RBFOX1: variants seen among roughly 807,000 people sequenced by gnomAD.
RBFOX1 encodes the protein RNA binding fox-1 homolog 1.
In RBFOX1, 8 loss-of-function variants were observed where a neutral mutation model predicts 57.7. That is an observed-to-expected ratio of 0.14 (90% CI 0.08 to 0.25). The LOEUF (loss-of-function observed/expected upper bound fraction) is 0.25, where lower values mean the gene tolerates loss of function less well. Ranked by LOEUF, RBFOX1 falls within the 10% of genes least tolerant of loss-of-function variation. The pLI is 1.00. For synonymous variants in RBFOX1, 326 were observed against 222.4 expected, an observed-to-expected ratio of 1.47 and a Z score of -4.15; for missense variants, 611 against 548.5, an observed-to-expected ratio of 1.11 and a Z score of -1.14.
At chr16:5,266,983 G>T (rs1358553198) in intron 1 of RBFOX1, among the ~76,000 whole-genome samples, 1 of 152,016 alleles carries the variant, frequency 6.6e-6, no homozygotes, top group Non-Finnish European at 1.5e-5. Context: ...AGAGTGATTG[G>T]CATGAAAGCT....
At chr16:6,218,961 CATAATA>C (rs2097354164) in intron 1 of RBFOX1, among the ~76,000 whole-genome samples, 1 of 151,902 alleles carries the variant, frequency 6.6e-6, no homozygotes, top group African/African-American at 2.4e-5. Flanking sequence ...AACATAAAAG[CATAATA>C]GTCAGTAGCA....
intron 6 of RBFOX1, among the ~76,000 whole-genome samples, chr16:7,581,012 C>A (rs552977729): frequency 1.3e-5 from 2 of 152,192 alleles, no homozygotes; most frequent in African/African-American, 4.8e-5. Flanking sequence ...GGTGGTGTCT[C>A]CATATAAAAT....
intron 1 of RBFOX1, among the ~76,000 whole-genome samples, chr16:6,256,549 A>G (rs538877636): frequency 6.6e-6 from 1 of 151,928 alleles, no homozygotes; most frequent in South Asian, 2.1e-4. Context: ...CATTGGTTGC[A>G]GTTGTGAATT....
chr16:5,261,786 G>A (rs555399826), intron 1 of RBFOX1, among the ~76,000 whole-genome samples: 3 of 152,072 alleles, frequency 2.0e-5, no homozygotes, highest in African/African-American at 4.8e-5. Flanking sequence ...TCCTGACCTC[G>A]TGATCCGCTG....
intron 1 of RBFOX1, among the ~76,000 whole-genome samples, chr16:5,271,320 G>A (rs897420088): frequency 2.0e-5 from 3 of 152,216 alleles, no homozygotes; most frequent in African/African-American, 7.2e-5. Context: ...TTGTGACACT[G>A]CACTCCAGCC....
chr16:5,971,104 C>G (rs1214747506), intron 4 of RBFOX1, among the ~76,000 whole-genome samples: 1 of 152,202 alleles, frequency 6.6e-6, no homozygotes, highest in East Asian at 1.9e-4. Context: ...CCTCCCGTAT[C>G]CAGGTGTCCA....
intron 1 of RBFOX1, among the ~76,000 whole-genome samples, chr16:6,162,586 C>A (rs917678285): frequency 1.3e-5 from 2 of 152,190 alleles, no homozygotes; most frequent in Non-Finnish European, 2.9e-5. Flanking sequence ...GTTCTTCCTT[C>A]ACCCAACAAC....
intron 4 of RBFOX1, among the ~76,000 whole-genome samples, chr16:7,354,971 A>G (rs2097189553): frequency 6.6e-6 from 1 of 152,210 alleles, no homozygotes; most frequent in African/African-American, 2.4e-5. Context: ...ATGCTGAAAC[A>G]TGACAAATAA....
chr16:5,562,062 A>G (rs908947213), intron 2 of RBFOX1, among the ~76,000 whole-genome samples: 3 of 152,170 alleles, frequency 2.0e-5, no homozygotes, highest in Admixed American at 6.5e-5. Context: ...TTCCAGGGTG[A>G]GACGCTTTGA....
At chr16:5,745,907 T>C (rs555248956) in intron 3 of RBFOX1, among the ~76,000 whole-genome samples, 1 of 152,312 alleles carries the variant, frequency 6.6e-6, no homozygotes, top group South Asian at 2.1e-4. Context: ...ACTCTGATGG[T>C]AGTTTCTTTT....
intron 1 of RBFOX1, among the ~76,000 whole-genome samples, chr16:6,271,711 C>G (rs980660773): frequency 6.6e-6 from 1 of 152,136 alleles, no homozygotes; most frequent in Non-Finnish European, 1.5e-5. Context: ...TGAAATGGAC[C>G]ACTTCCTTGT....
intron 2 of RBFOX1, among the ~76,000 whole-genome samples, chr16:6,537,015 T>C (rs1203685053): frequency 6.6e-6 from 1 of 152,210 alleles, no homozygotes; most frequent in East Asian, 1.9e-4. Context: ...AAACCAAATG[T>C]ACAGTCCTAC....
chr16:6,758,796 C>G (rs541005184), intron 3 of RBFOX1, among the ~76,000 whole-genome samples: 1 of 152,252 alleles, frequency 6.6e-6, no homozygotes, highest in African/African-American at 2.4e-5. Context: ...GAGGGACAAT[C>G]ATCTCTTAGA....
intron 3 of RBFOX1, among the ~76,000 whole-genome samples, chr16:6,893,567 A>T (rs945169910): frequency 5.3e-5 from 8 of 152,182 alleles, no homozygotes; most frequent in African/African-American, 1.9e-4. Flanking sequence ...TGAGCCCCAA[A>T]GTAAATTTAG....
At chr16:7,292,192 G>T (rs1313837586) in intron 4 of RBFOX1, among the ~76,000 whole-genome samples, 2 of 118,382 alleles carry the variant, frequency 1.7e-5, no homozygotes, top group African/African-American at 6.5e-5. Context: ...ATATGATATA[G>T]AACGTATTAT....
chr16:7,236,996 A>G (rs776456390), intron 4 of RBFOX1, among the ~76,000 whole-genome samples: 1 of 152,188 alleles, frequency 6.6e-6, no homozygotes, highest in Non-Finnish European at 1.5e-5. Context: ...GGAAGAGGCA[A>G]GCCGTTCTTT....
intron 2 of RBFOX1, among the ~76,000 whole-genome samples, chr16:6,636,973 T>A (rs1468392666): frequency 2.4e-5 from 3 of 127,478 alleles, no homozygotes; most frequent in African/African-American, 9.3e-5. Flanking sequence ...ATTATGTATA[T>A]TTATGTATAT....
chr16:6,232,193 G>A (rs1468574537), intron 1 of RBFOX1, among the ~76,000 whole-genome samples: 2 of 152,214 alleles, frequency 1.3e-5, no homozygotes, highest in Non-Finnish European at 2.9e-5. Flanking sequence ...AAACAGCAGA[G>A]AAGTGGTTTG....
At chr16:5,905,208 T>C (rs13330395) in intron 4 of RBFOX1, among the ~76,000 whole-genome samples, 1,517 of 151,354 alleles carry the variant, frequency 0.01, 30 homozygotes, top group African/African-American at 0.035. Flanking sequence ...GCTGGGATTA[T>C]AGGTGGGTGC....
Sources: gnomAD v4.1 joint callset for allele counts (sites outside exome capture counted in the v4.1 genomes callset) on GRCh38, gnomAD v4.1.1 for gene constraint, MANE v1.5 for transcripts, NCBI Gene and HGNC (gene_info 2026-07-23, HGNC 2026-07-21) for gene names.